The following NTRK3 variants were observed in gnomAD, a reference collection of about 807,000 sequenced individuals.
The protein encoded by NTRK3 is neurotrophic receptor tyrosine kinase 3, also known as NT-3 growth factor receptor.
Under a neutral mutation model 91.7 loss-of-function variants are expected in NTRK3, and 24 were observed. The ratio of observed to expected loss-of-function variants is 0.26; its 90% CI spans 0.19 to 0.37. The LOEUF (loss-of-function observed/expected upper bound fraction) is 0.37. Among genes scored for constraint, NTRK3 ranks in the 10% least tolerant of loss-of-function variants. The pLI is 1.00. For synonymous variants in NTRK3, 483 were observed against 404.0 expected, an observed-to-expected ratio of 1.20 and a Z score of -2.34; for missense variants, 880 against 1,068.9, an observed-to-expected ratio of 0.82 and a Z score of 2.46.
intron 6 of NTRK3, among the ~76,000 whole-genome samples, chr15:88,141,124 C>A (rs62019263): frequency 4.6e-5 from 7 of 151,986 alleles, no homozygotes; most frequent in African/African-American, 1.7e-4. Flanking sequence ...GAGGGACAGA[C>A]CAAGGTCCTA....
intron 6 of NTRK3, 39 bp from the exon 7 acceptor site, chr15:88,137,600 G>A (rs144459022): frequency 1.4e-4 from 219 of 1,606,918 alleles, no homozygotes; most frequent in Middle Eastern, 6.6e-4. Context: ...CCTCTGAACC[G>A]AAGATGGCCC....
chr15:88,189,928 G>A (rs1425309217), intron 3 of NTRK3, among the ~76,000 whole-genome samples: 1 of 152,092 alleles, frequency 6.6e-6, no homozygotes, highest in East Asian at 1.9e-4. Context: ...AATATTTAAT[G>A]TTTCATGTTT....
chr15:88,111,660 T>TAAGA (rs893716760), intron 13 of NTRK3, among the ~76,000 whole-genome samples: 3 of 152,180 alleles, frequency 2.0e-5, no homozygotes, highest in African/African-American at 7.2e-5. Context: ...TGATAGTGAC[T>TAAGA]AAGAGCATGT....
intron 14 of NTRK3, among the ~76,000 whole-genome samples, chr15:87,954,905 C>T (rs1038879524): frequency 1.3e-5 from 2 of 152,192 alleles, no homozygotes; most frequent in African/African-American, 4.8e-5. Context: ...TTCTCATGCA[C>T]AAGTAGCACA....
chr15:88,183,567 G>T (rs1474190403), intron 4 of NTRK3, 78 bp from the exon 5 acceptor site: 2 of 1,357,164 alleles, frequency 1.5e-6, no homozygotes, highest in Non-Finnish European at 2.1e-6. Flanking sequence ...CTGGCAGGGG[G>T]TGAGGCTAAG....
At chr15:88,016,275 A>G (rs533860401) in intron 14 of NTRK3, among the ~76,000 whole-genome samples, 3 of 152,334 alleles carry the variant, frequency 2.0e-5, no homozygotes, top group East Asian at 3.9e-4. Flanking sequence ...TGTGACCACC[A>G]TCAAAGGATG....
intron 6 of NTRK3, among the ~76,000 whole-genome samples, chr15:88,139,604 T>C (rs1229139895): frequency 6.6e-6 from 1 of 152,140 alleles, no homozygotes. Context: ...CATGGTACTC[T>C]GTCAGAAAGG....
At chr15:88,130,046 C>A (rs1439665965) in intron 10 of NTRK3, among the ~76,000 whole-genome samples, 1 of 152,152 alleles carries the variant, frequency 6.6e-6, no homozygotes, top group African/African-American at 2.4e-5. Flanking sequence ...GCCAAGCAGA[C>A]AGGCCTCAGG....
intron 14 of NTRK3, among the ~76,000 whole-genome samples, chr15:87,960,662 T>C (rs2072186301): frequency 6.6e-6 from 1 of 152,100 alleles, no homozygotes; most frequent in Non-Finnish European, 1.5e-5. Flanking sequence ...TTTTTATATT[T>C]TTAGTGGAGA....
At chr15:87,952,604 G>C (rs1201860282) in intron 14 of NTRK3, among the ~76,000 whole-genome samples, 2 of 152,146 alleles carry the variant, frequency 1.3e-5, no homozygotes, top group African/African-American at 4.8e-5. Context: ...AGTTATCTTG[G>C]CCGCCGGCTC....
At chr15:88,215,882 T>C (rs933047666) in intron 3 of NTRK3, among the ~76,000 whole-genome samples, 1 of 152,216 alleles carries the variant, frequency 6.6e-6, no homozygotes, top group Non-Finnish European at 1.5e-5. Flanking sequence ...TGTGCTGTTC[T>C]TTCCCTGGAT....
intron 13 of NTRK3, among the ~76,000 whole-genome samples, chr15:88,061,628 T>C (rs546774485): frequency 1.1e-4 from 16 of 152,376 alleles, no homozygotes; most frequent in Non-Finnish European, 2.1e-4. Context: ...GAGGGCTCAC[T>C]AAGCCAGTCC....
In NTRK3 at chr15:87,873,033, G is replaced by A. The variant is rs529583072; in HGVS notation, c.*3902C>T. 6 of 232,896 alleles carry A rather than the reference G, an allele frequency of 2.6e-5. No homozygotes were observed. In the South Asian group the frequency reaches 1.1e-3, roughly 42 times the overall value. The allele number at this position is 232,896 out of a possible 1,614,324, so 14.4% of individuals were successfully genotyped here. A position where few individuals can be genotyped will look rare whatever the true frequency, so the allele number is the denominator to read the frequency against. ...ATGCACCCTGTACTCTCCCGGCATG[G>A]CTGACTCACTTCTACTTCTGAGTTG... On this transcript the variant is annotated 3_prime_UTR_variant, in exon 19 of 19. Transcript: ENST00000394480.
rs181170807 is a variant in NTRK3, at chr15:88,187,806, C to T, written c.249-3507G>A. ...AAAATTAGCCAGGTATGGTGGTGGG[C>T]GCCTGTAATCCCAACTACTCAGGAG... is the stretch of plus-strand genomic sequence containing the variant. On this transcript the variant is annotated intron_variant, in intron 3 of 18. Coordinates refer to ENST00000394480, the Ensembl canonical transcript of NTRK3. Among the ~76,000 whole-genome samples, 374 of 151,892 alleles carry T rather than the reference C, an allele frequency of 2.5e-3. 1 individual carries two copies. The highest frequency in any genetic ancestry group is 8.6e-3 in the African/African-American group (356 of 41,420).
intron 10 of NTRK3, among the ~76,000 whole-genome samples, chr15:88,133,964 T>C (rs2041633114): frequency 6.6e-6 from 1 of 152,214 alleles, no homozygotes; most frequent in Non-Finnish European, 1.5e-5. Context: ...TGCACTGACA[T>C]AAATAAAGCT....
chr15:88,115,511 G>A (rs1381385926), intron 13 of NTRK3, among the ~76,000 whole-genome samples: 1 of 152,062 alleles, frequency 6.6e-6, no homozygotes, highest in Admixed American at 6.5e-5. Context: ...GGGGCTTCAT[G>A]TCAAGGCCTG....
intron 13 of NTRK3, among the ~76,000 whole-genome samples, chr15:88,039,671 A>G (rs2079416140): frequency 6.6e-6 from 1 of 152,242 alleles, no homozygotes; most frequent in South Asian, 2.1e-4. Context: ...CCGTAAAGAA[A>G]TAGCACTTGA....
At position 88,136,615 on chromosome 15, in the gene NTRK3, A is replaced by C. The variant is rs1479304732; in HGVS notation, c.623-6T>G. The C allele has an allele frequency of 6.2e-7, 1 of 1,611,608 alleles. No homozygotes were observed. The highest frequency in any genetic ancestry group is 2.2e-5 in the East Asian group (1 of 44,850). ...CACGCTGATCTCAGGAAGGTCTGGG[A>C]GCCAGACAAAGTGGGTGAAAAGACA... On this transcript the variant is annotated splice_polypyrimidine_tract_variant and splice_region_variant and intron_variant, in intron 7 of 18. Transcript: ENST00000394480.
exon 19 of NTRK3, chr15:87,875,687 G>A (rs1399079246): frequency 4.3e-6 from 1 of 232,824 alleles, no homozygotes; most frequent in Admixed American, 5.6e-5. Context: ...CAGGTGCCAA[G>A]TAGATTCTCC....
Sources: gnomAD v4.1 joint callset for allele counts (sites outside exome capture counted in the v4.1 genomes callset) on GRCh38, gnomAD v4.1.1 for gene constraint, MANE v1.5 for transcripts, NCBI Gene and HGNC (gene_info 2026-07-23, HGNC 2026-07-21) for gene names.